RPL35: variants seen among roughly 807,000 people sequenced by gnomAD.
RPL35 encodes the protein ribosomal protein L35.
In RPL35, 2 loss-of-function variants were observed where a neutral mutation model predicts 15.6. The ratio of observed to expected loss-of-function variants is 0.13; its 90% confidence interval spans 0.05 to 0.40. RPL35 has a LOEUF of 0.40. RPL35 is among the 10% of genes least tolerant of loss of function. The pLI is 0.99. For missense variants in RPL35, 111 were observed against 164.7 expected, an observed-to-expected ratio of 0.67 and a Z score of 1.79; for synonymous variants, 93 against 67.9, an observed-to-expected ratio of 1.37 and a Z score of -1.82.
chr9:124,861,422 T>C lies in RPL35; in HGVS notation c.137A>G (p.Lys46Arg), dbSNP rs1336223827. Residue 46 changes from lysine to arginine, a missense_variant, in exon 2 of 4, where the codon AAG becomes AGG. Physicochemically the swap from Lys to Arg is conservative, Grantham distance 26. Transcript: ENST00000348462. ...GTGATCCGGCCGCCTCACTTACATC[T>C]TAGAGAGCTTGGAGGCCGCACCGCC... The part of the protein sequence containing the change: ...VTGGAASKLS[K>R]IRVVRKSIAR... 1 of 1,612,554 alleles carries C rather than the reference T, an allele frequency of 6.2e-7. No homozygotes were observed.
chr9:124,861,220 G>A (rs936756540), intron 2 of RPL35, 199 bp downstream of exon 2: 6 of 643,010 alleles, frequency 9.3e-6, no homozygotes, highest in Non-Finnish European at 1.6e-5. Flanking sequence ...GGGTCTCCGG[G>A]GATGCATTCC....
Position 124,857,919 on chromosome 9 carries a change from C to A in RPL35, c.371G>T (p.Ter124LeuextTer6), listed in dbSNP as rs774559857. 5 of 1,612,146 alleles carry A rather than the reference C, an allele frequency of 3.1e-6. No homozygotes were observed. Reference sequence around the variant, plus strand: ...TGTGCTTTATTGACAATGCGCCCCTCAGGCCTTGACCGCGTACTTCCGCAG... The same window carrying A: ...TGTGCTTTATTGACAATGCGCCCCTAAGGCCTTGACCGCGTACTTCCGCAG... ...YPLRKYAVKA* is the reference protein window; with the variant it reads ...YPLRKYAVKAL The change falls in exon 4 of 4, where the codon TGA (stop) becomes TTA (leucine). Residue 124 changes from the stop codon to leucine (L), a stop_lost. Coordinates refer to ENST00000348462, the MANE Select transcript of RPL35 (RefSeq NM_007209.4).
chr9:124,859,023 G>A lies in RPL35; in HGVS notation c.223-956C>T, dbSNP rs116090356. Among the ~76,000 whole-genome samples, 431 of 152,302 alleles carry A rather than the reference G, an allele frequency of 2.8e-3. 2 individuals carry two copies. Among genetic ancestry groups the A allele is most frequent in the African/African-American group, 9.8e-3 (408 of 41,548 alleles). On this transcript the variant is annotated intron_variant, in intron 3 of 3. Transcript: ENST00000348462. ...CCCTCACTCCTGCTGGCATCGGCTG[G>A]GCATTCGTCCTTTTCACATTGGCTA...
At chr9:124,859,520 A>G (rs1829162891) in intron 3 of RPL35, among the ~76,000 whole-genome samples, 1 of 152,108 alleles carries the variant, frequency 6.6e-6, no homozygotes, top group Non-Finnish European at 1.5e-5. Context: ...AGCAGCTTCA[A>G]CCTGAGCCCT....
In RPL35 at chr9:124,861,570, G is replaced by A. The variant is rs376630808; in HGVS notation, c.4-15C>T. 2 of 1,613,122 alleles carry A rather than the reference G, an allele frequency of 1.2e-6. No homozygotes were observed. The highest frequency in any genetic ancestry group is 1.7e-6 in the Non-Finnish European group (2 of 1,179,690). On this transcript the variant is annotated splice_polypyrimidine_tract_variant and intron_variant, in intron 1 of 3. Coordinates refer to ENST00000348462, the MANE Select transcript of RPL35 (RefSeq NM_007209.4). ...TTGATCTTGGCCTGCGCGCAAGAGA[G>A]AGTGTGCCTCAGCCAGGCCGCGGGG...
At chr9:124,859,804 C>T (rs1829167962) in intron 3 of RPL35, among the ~76,000 whole-genome samples, 1 of 152,112 alleles carries the variant, frequency 6.6e-6, no homozygotes, top group Admixed American at 6.5e-5. Context: ...GCCTCAGGGC[C>T]CTCATCTGAA....
intron 3 of RPL35, among the ~76,000 whole-genome samples, chr9:124,859,726 A>C (rs944953): frequency 0.98 from 149,195 of 152,292 alleles, 73,142 homozygotes; most frequent in East Asian, 1. Flanking sequence ...CCAGAACACT[A>C]AAGCCGACCC....
chr9:124,860,074 CCACTCT>C, intron 3 of RPL35, 103 bp downstream of exon 3: 3 of 798,586 alleles, frequency 3.8e-6, no homozygotes, highest in Non-Finnish European at 6.6e-6. Flanking sequence ...GGAAGGCTAA[CCACTCT>C]CAGCCCACGC....
intron 2 of RPL35, 138 bp from the exon 3 acceptor site, chr9:124,860,402 G>C: frequency 1.4e-6 from 1 of 733,664 alleles, no homozygotes; most frequent in Non-Finnish European, 2.5e-6. Flanking sequence ...GGCGTTCTGG[G>C]AGTGAGGTCT....
In RPL35 at chr9:124,861,917, G is replaced by T; in HGVS notation, c.-5C>A. ...CGATTCCGCAGCTCTCACCATTGCTGCACAAGCCGCCAACGCCGCCGCCCG... is the reference window on the plus strand; with the variant it reads ...CGATTCCGCAGCTCTCACCATTGCTTCACAAGCCGCCAACGCCGCCGCCCG... On this transcript the variant is annotated 5_prime_UTR_variant, in exon 1 of 4. Coordinates refer to ENST00000348462, the MANE Select transcript of RPL35 (RefSeq NM_007209.4). 1.3e-6 allele frequency: 2 copies of T among 1,597,510 alleles called. No individual in the cohort carries two copies. Among genetic ancestry groups the T allele is most frequent in the Non-Finnish European group, 1.7e-6 (2 of 1,173,504 alleles).
At chr9:124,860,068 G>A in intron 3 of RPL35, 115 bp downstream of exon 3, 1 of 767,614 alleles carries the variant, frequency 1.3e-6, no homozygotes, top group Non-Finnish European at 2.3e-6. Flanking sequence ...AAATTGGGAA[G>A]GCTAACCACT....
At chr9:124,858,536 G>A (rs1266533194) in intron 3 of RPL35, 1 of 715,496 alleles carries the variant, frequency 1.4e-6, no homozygotes. Context: ...ACCAGCTGCT[G>A]CCTGTATGAA....
At chr9:124,859,021 T>C (rs565943642) in intron 3 of RPL35, among the ~76,000 whole-genome samples, 1 of 152,208 alleles carries the variant, frequency 6.6e-6, no homozygotes, top group African/African-American at 2.4e-5. Context: ...TGGCATCGGC[T>C]GGGCATTCGT....
At chr9:124,858,496 C>CAGT (rs1245955728) in intron 3 of RPL35, 1 of 716,818 alleles carries the variant, frequency 1.4e-6, no homozygotes, top group East Asian at 2.7e-5. Flanking sequence ...GGGGCTGAGG[C>CAGT]AGTACTCTGT....
At chr9:124,858,834 G>T (rs529711578) in intron 3 of RPL35, among the ~76,000 whole-genome samples, 1 of 152,334 alleles carries the variant, frequency 6.6e-6, no homozygotes, top group East Asian at 1.9e-4. Flanking sequence ...CCAGCCTAGT[G>T]GGGGAAGACT....
At chr9:124,861,612 T>C (rs1021713257) in intron 1 of RPL35, 57 bp from the exon 2 acceptor site, 19 of 1,587,816 alleles carry the variant, frequency 1.2e-5, no homozygotes, top group Non-Finnish European at 1.5e-5. Flanking sequence ...CCCCTTCACC[T>C]GCGTGGCCAG....
intron 3 of RPL35, chr9:124,858,288 G>A (rs970360065): frequency 3.2e-6 from 2 of 617,568 alleles, no homozygotes. Context: ...ACTGGGCTGA[G>A]TGTCCAAGTC....
chr9:124,858,051 G>A lies in RPL35; in HGVS notation c.239C>T (p.Pro80Leu). 6.2e-7 allele frequency: 1 copy of A among 1,612,516 alleles called. No homozygotes were observed. The highest frequency in any genetic ancestry group is 1.1e-5 in the South Asian group (1 of 91,006). ...TGTCTTCTTAGGCCGCAGGTCCAGG[G>A]GCTTGTACTTCTTGCCCTGGGAGAC... ...RKFYKGKKYK[P>L]LDLRPKKTRA... Residue 80 changes from proline (P) to leucine (L), a missense_variant, in exon 4 of 4, where the codon CCC becomes CTC. Coordinates refer to ENST00000348462, the MANE Select transcript of RPL35 (RefSeq NM_007209.4).
chr9:124,858,742 TC>T (rs1829150131), intron 3 of RPL35, among the ~76,000 whole-genome samples: 1 of 152,214 alleles, frequency 6.6e-6, no homozygotes, highest in African/African-American at 2.4e-5. Flanking sequence ...TCTGCAAAGG[TC>T]CCCTGGGCCC....
Sources: gnomAD v4.1 joint callset for allele counts (sites outside exome capture counted in the v4.1 genomes callset) on GRCh38, gnomAD v4.1.1 for gene constraint, MANE v1.5 for transcripts, NCBI Gene and HGNC (gene_info 2026-07-23, HGNC 2026-07-21) for gene names.